Variants in MYO5A observed in about 807,000 individuals in gnomAD.
MYO5A encodes the protein unconventional myosin-Va.
MYO5A carries 98 observed loss-of-function variants against 249.7 expected under a neutral mutation model. The ratio of observed to expected loss-of-function variants is 0.39; its 90% CI spans 0.33 to 0.46. The LOEUF is 0.46. MYO5A is among the 20% of genes least tolerant of loss of function. MYO5A has a pLI of 0.98. For synonymous variants in MYO5A, 778 were observed against 810.6 expected (o/e 0.96, Z 0.68); for missense variants, 1,696 against 2,308.8 (o/e 0.73, Z 5.44).
At chr15:52,346,990 A>G (rs750673789) in intron 29 of MYO5A, among the ~76,000 whole-genome samples, 5 of 151,976 alleles carry the variant, frequency 3.3e-5, no homozygotes, top group Non-Finnish European at 5.9e-5. Context: ...TATATGCTTC[A>G]GCAAAATTAA....
intron 1 of MYO5A, among the ~76,000 whole-genome samples, chr15:52,478,839 C>T (rs2076654886): frequency 6.6e-6 from 1 of 152,170 alleles, no homozygotes; most frequent in South Asian, 2.1e-4. Context: ...ACTCAAGCAA[C>T]AGCAACACAA....
At chr15:52,384,574 AC>A (rs1434974394) in intron 14 of MYO5A, among the ~76,000 whole-genome samples, 1 of 152,228 alleles carries the variant, frequency 6.6e-6, no homozygotes, top group Non-Finnish European at 1.5e-5. Context: ...AAACTACTGC[AC>A]CCGGACTTGA....
At chr15:52,480,738 T>C (rs1433417868) in intron 1 of MYO5A, among the ~76,000 whole-genome samples, 1 of 151,988 alleles carries the variant, frequency 6.6e-6, no homozygotes, top group African/African-American at 2.4e-5. Context: ...TAAGGAGGAG[T>C]CGCATGAGAA....
chr15:52,457,909 A>T (rs2076152483), intron 1 of MYO5A, among the ~76,000 whole-genome samples: 1 of 152,234 alleles, frequency 6.6e-6, no homozygotes, highest in Admixed American at 6.5e-5. Context: ...TACATAATAG[A>T]ATACTATTCG....
chr15:52,468,422 C>A (rs28408300), intron 1 of MYO5A, among the ~76,000 whole-genome samples: 3 of 152,202 alleles, frequency 2.0e-5, no homozygotes, highest in Admixed American at 1.3e-4. Flanking sequence ...TTTTGAGAGG[C>A]TGAGGTGGGA....
chr15:52,473,121 A>G (rs936772310), intron 1 of MYO5A, among the ~76,000 whole-genome samples: 16 of 152,042 alleles, frequency 1.1e-4, no homozygotes, highest in Non-Finnish European at 1.9e-4. Flanking sequence ...TGTGGTTTTG[A>G]TTTGCATTTC....
intron 1 of MYO5A, among the ~76,000 whole-genome samples, chr15:52,481,320 A>G (rs1460120937): frequency 2.0e-5 from 3 of 152,202 alleles, no homozygotes; most frequent in African/African-American, 7.2e-5. Context: ...GAGATTCTAT[A>G]AGATTTTCTA....
intron 34 of MYO5A, among the ~76,000 whole-genome samples, chr15:52,335,516 CAAAAAA>C (rs397854139): frequency 1.7e-4 from 11 of 64,048 alleles, no homozygotes; most frequent in African/African-American, 4.5e-4. Context: ...ACTCTGTCTC[CAAAAAA>C]AAAAAAAAAA....
At chr15:52,446,645 A>T (rs1484105676) in intron 1 of MYO5A, among the ~76,000 whole-genome samples, 2 of 152,228 alleles carry the variant, frequency 1.3e-5, no homozygotes, top group East Asian at 3.9e-4. Context: ...CCTTCAGCCT[A>T]GAAAAGCCAC....
intron 34 of MYO5A, among the ~76,000 whole-genome samples, chr15:52,335,596 C>A (rs1220428656): frequency 2.1e-5 from 3 of 142,896 alleles, no homozygotes; most frequent in African/African-American, 7.7e-5. Context: ...TAACTCTTAA[C>A]AAATAAACAC....
At chr15:52,407,739 T>C (rs1218773300) in intron 7 of MYO5A, among the ~76,000 whole-genome samples, 6 of 152,082 alleles carry the variant, frequency 3.9e-5, no homozygotes, top group Non-Finnish European at 7.4e-5. Flanking sequence ...TCAACTCCTT[T>C]AATTTTTTTT....
chr15:52,413,393 T>C (rs2043335503), intron 5 of MYO5A, among the ~76,000 whole-genome samples: 1 of 151,846 alleles, frequency 6.6e-6, no homozygotes, highest in African/African-American at 2.4e-5. Flanking sequence ...ATGAAGCAAA[T>C]AGAATAATTA....
chr15:52,365,739 T>G (rs907485780), intron 23 of MYO5A, among the ~76,000 whole-genome samples: 1 of 152,256 alleles, frequency 6.6e-6, no homozygotes, highest in Non-Finnish European at 1.5e-5. Context: ...CTCTAAAACA[T>G]TCTACAAGTT....
At chr15:52,449,434 T>C (rs889023972) in intron 1 of MYO5A, among the ~76,000 whole-genome samples, 12 of 152,198 alleles carry the variant, frequency 7.9e-5, no homozygotes, top group African/African-American at 2.9e-4. Flanking sequence ...TCCATATCTA[T>C]CTCTACTCAA....
chr15:52,500,489 G>A (rs2077133094), intron 1 of MYO5A, among the ~76,000 whole-genome samples: 1 of 152,082 alleles, frequency 6.6e-6, no homozygotes, highest in South Asian at 2.1e-4. Context: ...TGGGATTACA[G>A]GCGTGCGCCA....
At position 52,360,092 on chromosome 15, in the gene MYO5A, A is replaced by G; in HGVS notation, c.3310-11T>C. On this transcript the variant is annotated splice_polypyrimidine_tract_variant and intron_variant, in intron 24 of 41. Coordinates refer to ENST00000399233, the MANE Select transcript of MYO5A (RefSeq NM_001382347.1). ...AGGCTTAGGCACATGCTGCAAGGCA[A>G]ATAACCCAGGTATAATTAATGCAAC... 6.4e-7 allele frequency: 1 copy of G among 1,561,902 alleles called. No individual in the cohort carries two copies. Among genetic ancestry groups the G allele is most frequent in the Non-Finnish European group, 8.8e-7 (1 of 1,133,438 alleles).
intron 9 of MYO5A, among the ~76,000 whole-genome samples, chr15:52,402,277 G>C (rs2141205060): frequency 6.6e-6 from 1 of 152,290 alleles, no homozygotes; most frequent in Admixed American, 6.5e-5. Flanking sequence ...TAGGGAGCTA[G>C]TTTTCTGCCT....
At chr15:52,382,609 TTC>T (rs1347310603) in intron 16 of MYO5A, among the ~76,000 whole-genome samples, 1 of 152,186 alleles carries the variant, frequency 6.6e-6, no homozygotes, top group Non-Finnish European at 1.5e-5. Context: ...AGAAAAATAT[TTC>T]TGTTTTGTAA....
chr15:52,522,494 A>C (rs991176216), intron 1 of MYO5A, among the ~76,000 whole-genome samples: 3 of 152,172 alleles, frequency 2.0e-5, no homozygotes, highest in African/African-American at 7.2e-5. Context: ...AATTGCTCAC[A>C]TAATATTTTG....
Sources: allele counts gnomAD v4.1 joint callset (sites outside exome capture counted in the v4.1 genomes callset), GRCh38; gene constraint gnomAD v4.1.1; transcripts MANE v1.5; gene names NCBI Gene and HGNC (gene_info 2026-07-23, HGNC 2026-07-21).